GRM5: variants seen among roughly 807,000 people sequenced by gnomAD.
GRM5 encodes glutamate metabotropic receptor 5.
GRM5 carries 19 observed loss-of-function variants against 83.1 expected under a neutral mutation model. That is an observed-to-expected ratio of 0.23 (90% CI 0.16 to 0.34). The LOEUF (loss-of-function observed/expected upper bound fraction) is 0.34, where lower values mean the gene tolerates loss of function less well. Among genes scored for constraint, GRM5 ranks in the 10% least tolerant of loss-of-function variants. GRM5 has a pLI of 1.00. For synonymous variants in GRM5, 675 were observed against 633.6 expected (o/e 1.07, Z -0.98); for missense variants, 1,160 against 1,588.3 (o/e 0.73, Z 4.58).
At chr11:88,563,926 GA>G (rs1277978604) in intron 8 of GRM5, among the ~76,000 whole-genome samples, 1 of 152,108 alleles carries the variant, frequency 6.6e-6, no homozygotes, top group African/African-American at 2.4e-5. Flanking sequence ...GTATCACAGA[GA>G]AGAAATATTT....
chr11:89,060,799 T>C (rs1443890594), intron 1 of GRM5, among the ~76,000 whole-genome samples: 1 of 152,192 alleles, frequency 6.6e-6, no homozygotes, highest in Admixed American at 6.5e-5. Flanking sequence ...CAAGATACTA[T>C]CTCATTTACA....
chr11:88,514,542 GA>G (rs1015848757), intron 9 of GRM5, among the ~76,000 whole-genome samples: 2 of 151,318 alleles, frequency 1.3e-5, no homozygotes, highest in African/African-American at 4.9e-5. Flanking sequence ...ATTAATAGAG[GA>G]AAAAAAAGTT....
At chr11:89,046,851 C>T (rs144524652) in intron 2 of GRM5, among the ~76,000 whole-genome samples, 2,878 of 151,758 alleles carry the variant, frequency 0.019, 90 homozygotes, top group African/African-American at 0.066. Flanking sequence ...AGAACAATCG[C>T]GAAATGACAA....
intron 3 of GRM5, among the ~76,000 whole-genome samples, chr11:88,814,769 C>T (rs1187773421): frequency 6.6e-6 from 1 of 151,670 alleles, no homozygotes; most frequent in African/African-American, 2.4e-5. Context: ...ATCAGGCATA[C>T]AGAATAGTGG....
At chr11:88,701,190 A>G (rs1941026376) in intron 3 of GRM5, among the ~76,000 whole-genome samples, 1 of 152,190 alleles carries the variant, frequency 6.6e-6, no homozygotes, top group African/African-American at 2.4e-5. Context: ...AAGCAAGGAA[A>G]GAAACCACCA....
chr11:88,984,483 G>T (rs1052747699), intron 2 of GRM5, among the ~76,000 whole-genome samples: 1 of 152,098 alleles, frequency 6.6e-6, no homozygotes, highest in Non-Finnish European at 1.5e-5. Context: ...GATGTTCACA[G>T]GATGAAACTG....
intron 7 of GRM5, among the ~76,000 whole-genome samples, chr11:88,587,547 A>T (rs2135202435): frequency 6.6e-6 from 1 of 152,252 alleles, no homozygotes; most frequent in Non-Finnish European, 1.5e-5. Flanking sequence ...GTAAGTTTTG[A>T]GTGATGGGAT....
chr11:88,670,959 A>T (rs149681506), intron 3 of GRM5, among the ~76,000 whole-genome samples: 84 of 152,166 alleles, frequency 5.5e-4, no homozygotes, highest in African/African-American at 1.9e-3. Flanking sequence ...TATGTTTCTA[A>T]CAGAAATGCT....
At chr11:88,540,043 C>T (rs942616624) in intron 8 of GRM5, among the ~76,000 whole-genome samples, 3 of 152,190 alleles carry the variant, frequency 2.0e-5, no homozygotes, top group African/African-American at 4.8e-5. Flanking sequence ...AGCAGCAACT[C>T]AACAAGTGAA....
chr11:89,040,406 GATAA>G (rs1641891228), intron 2 of GRM5, among the ~76,000 whole-genome samples: 1 of 152,062 alleles, frequency 6.6e-6, no homozygotes, highest in African/African-American at 2.4e-5. Context: ...GAGGAAAAAT[GATAA>G]ATAAGAAAGA....
chr11:88,609,537 G>A (rs1938259450), intron 4 of GRM5, among the ~76,000 whole-genome samples: 1 of 152,114 alleles, frequency 6.6e-6, no homozygotes, highest in African/African-American at 2.4e-5. Flanking sequence ...ACACTCAGTA[G>A]TGGGATTCAT....
intron 3 of GRM5, among the ~76,000 whole-genome samples, chr11:88,832,720 A>C (rs1294663742): frequency 6.6e-6 from 1 of 152,206 alleles, no homozygotes; most frequent in East Asian, 1.9e-4. Flanking sequence ...AAAATATATT[A>C]CAAGAATATA....
chr11:88,646,309 A>T (rs933575334), intron 4 of GRM5, among the ~76,000 whole-genome samples: 4 of 152,040 alleles, frequency 2.6e-5, no homozygotes, highest in African/African-American at 9.7e-5. Context: ...ACTTCTTATT[A>T]CTTTTAATTT....
intron 4 of GRM5, among the ~76,000 whole-genome samples, chr11:88,627,978 T>A (rs1938849098): frequency 6.6e-6 from 1 of 152,202 alleles, no homozygotes; most frequent in African/African-American, 2.4e-5. Flanking sequence ...AAACTTGCAT[T>A]CCCAGCCTTA....
At chr11:89,038,632 C>T (rs974758057) in intron 2 of GRM5, among the ~76,000 whole-genome samples, 1 of 152,132 alleles carries the variant, frequency 6.6e-6, no homozygotes, top group Non-Finnish European at 1.5e-5. Flanking sequence ...TAACCCATTC[C>T]ATGGGAACAA....
chr11:88,570,550 A>AATATAT lies in GRM5; in HGVS notation c.1691-2564_1691-2559dup, dbSNP rs199551301. Among the ~76,000 whole-genome samples, 167 of 71,942 alleles carry AATATAT rather than the reference A, an allele frequency of 2.3e-3. 10 individuals carry two copies. Among genetic ancestry groups the AATATAT allele is most frequent in the African/African-American group, 0.01 (127 of 12,244 alleles). The allele number at this position is 71,942 out of a possible 152,430, so 47.2% of individuals were successfully genotyped here. ...CTGTTTTACCAAAAAAAGTATTAAT[A>AATATAT]ATATATATATATATATATATATTTT... On this transcript the variant is annotated intron_variant, in intron 7 of 9. Coordinates refer to ENST00000305447, the MANE Select transcript of GRM5 (RefSeq NM_001143831.3).
At chr11:88,579,463 G>A (rs1943182006) in intron 7 of GRM5, among the ~76,000 whole-genome samples, 1 of 152,186 alleles carries the variant, frequency 6.6e-6, no homozygotes, top group African/African-American at 2.4e-5. Flanking sequence ...GAGAAAAGAA[G>A]AGGTAGAACT....
intron 6 of GRM5, among the ~76,000 whole-genome samples, chr11:88,592,976 A>G (rs80290055): frequency 0.024 from 3,673 of 151,994 alleles, 140 homozygotes; most frequent in African/African-American, 0.082. Flanking sequence ...ACCATGCCCA[A>G]TTATTTTTGT....
At chr11:88,980,138 A>G (rs953443739) in intron 2 of GRM5, among the ~76,000 whole-genome samples, 1 of 152,180 alleles carries the variant, frequency 6.6e-6, no homozygotes, top group Non-Finnish European at 1.5e-5. Flanking sequence ...TCTTCAGTGC[A>G]TATTTTTAGA....
Sources: allele counts gnomAD v4.1 joint callset (sites outside exome capture counted in the v4.1 genomes callset), GRCh38; gene constraint gnomAD v4.1.1; transcripts MANE v1.5; gene names NCBI Gene and HGNC (gene_info 2026-07-23, HGNC 2026-07-21).